The following PTDSS2 variants were observed in gnomAD, a reference collection of about 807,000 sequenced individuals.
PTDSS2 encodes phosphatidylserine synthase 2, also known as PSS-2.
In PTDSS2, 41 loss-of-function variants were observed where a neutral mutation model predicts 64.7. The ratio of observed to expected loss-of-function variants is 0.63; its 90% confidence interval spans 0.49 to 0.82. The LOEUF is 0.82. PTDSS2 is among the 40% of genes least tolerant of loss of function. PTDSS2 has a pLI of 0.00. For synonymous variants in PTDSS2, 297 were observed against 277.8 expected, an observed-to-expected ratio of 1.07 and a Z score of -0.69; for missense variants, 485 against 650.0, an observed-to-expected ratio of 0.75 and a Z score of 2.76.
At chr11:488,771 G>T in intron 8 of PTDSS2, 124 bp downstream of exon 8, 1 of 718,128 alleles carries the variant, frequency 1.4e-6, no homozygotes, top group Non-Finnish European at 2.5e-6. Context: ...AGGGGTGACC[G>T]TGGGGCTTTG....
upstream of PTDSS2, among the ~76,000 whole-genome samples, chr11:449,446 G>A (rs190446636): frequency 2.6e-5 from 4 of 152,334 alleles, no homozygotes; most frequent in East Asian, 7.7e-4. Flanking sequence ...ATAACATGCC[G>A]CTATTATCAA....
At position 458,407 on chromosome 11, in the gene PTDSS2, G is replaced by A. The variant is rs1283471977; in HGVS notation, c.183-1780G>A. ...TTTTTAGTAGAGATGGGGTTTCACC[G>A]TGTTAGCCAGGATGGTCTCGATCTC... On this transcript the variant is annotated intron_variant, in intron 1 of 11. Transcript: ENST00000308020. Among the ~76,000 whole-genome samples, 6 of 150,778 alleles carry A rather than the reference G, an allele frequency of 4.0e-5. No individual in the cohort carries two copies. In the East Asian group the frequency reaches 5.9e-4, roughly 15 times the overall value.
intron 1 of PTDSS2, chr11:451,528 C>T: frequency 3.2e-6 from 1 of 317,230 alleles, no homozygotes; most frequent in Non-Finnish European, 6.7e-6. Flanking sequence ...GGCCCGGGGG[C>T]ACAGGGGCAG....
chr11:473,806 A>G, intron 2 of PTDSS2, 89 bp from the exon 3 acceptor site: 1 of 999,912 alleles, frequency 1.0e-6, no homozygotes, highest in South Asian at 1.3e-5. Flanking sequence ...GCTGTTCCAC[A>G]ATGGGTGTCT....
intron 2 of PTDSS2, among the ~76,000 whole-genome samples, chr11:469,425 A>C (rs1190728765): frequency 1.0e-5 from 1 of 96,578 alleles, no homozygotes; most frequent in Non-Finnish European, 2.0e-5. Flanking sequence ...GGGTACTCGG[A>C]GGAGGAGGGC....
At position 487,011 on chromosome 11, in the gene PTDSS2, TA is replaced by T. The variant is rs1481398329; in HGVS notation, c.509del (p.Tyr170SerfsTer37). ...KLGVPLPERDYGGNCLIYDPD... is the reference protein window; with the variant it reads ...KLGVPLPERDXGGNCLIYDPD... ...GGGAGTCCCACTGCCAGAGAGAGAC[TA>T]CGGGGGAAACTGCCTCATCTACGAC... is the stretch of plus-strand genomic sequence containing the variant. On this transcript the variant is annotated frameshift_variant, in exon 5 of 12. Coordinates refer to ENST00000308020, the MANE Select transcript of PTDSS2 (RefSeq NM_030783.3). LOFTEE classifies it high-confidence loss of function. The T allele has an allele frequency of 1.2e-6, 2 of 1,613,618 alleles. No homozygotes were observed. The highest frequency in any genetic ancestry group is 3.3e-5 in the Admixed American group (2 of 60,028).
At position 479,702 on chromosome 11, in the gene PTDSS2, C is replaced by T. The variant is rs1369969502; in HGVS notation, c.435+550C>T. Among the ~76,000 whole-genome samples, 1 of 150,630 alleles carries T rather than the reference C, an allele frequency of 6.6e-6. No homozygotes were observed. Among genetic ancestry groups the T allele is most frequent in the African/African-American group, 2.5e-5 (1 of 40,554 alleles). On this transcript the variant is annotated intron_variant, in intron 4 of 11. Transcript: ENST00000308020. This position sits in a 1 kb window ranked among gnomAD's most constrained non-coding sequence, Gnocchi z 4.2. ...TTGACCAGTGTGACTGTGTGTGCTT[C>T]TTCCCCATCCTGACCACATTCTGCA...
intron 1 of PTDSS2, among the ~76,000 whole-genome samples, chr11:451,127 G>A (rs961852523): frequency 2.0e-5 from 3 of 152,240 alleles, no homozygotes; most frequent in African/African-American, 7.2e-5. Context: ...TGGCGATCGT[G>A]TTGATTAGCA....
intron 3 of PTDSS2, 55 bp downstream of exon 3, chr11:474,032 C>T: frequency 7.0e-7 from 1 of 1,420,824 alleles, no homozygotes; most frequent in South Asian, 1.1e-5. Flanking sequence ...TTCTGAGCGG[C>T]CACTCTGTGT....
intron 2 of PTDSS2, among the ~76,000 whole-genome samples, chr11:466,490 C>T (rs1457497661): frequency 6.6e-6 from 1 of 151,342 alleles, no homozygotes; most frequent in Non-Finnish European, 1.5e-5. Flanking sequence ...TCACTGCAAC[C>T]TCCGCTTCCT....
At chr11:451,269 C>G (rs1246113916) in intron 1 of PTDSS2, 1 of 383,854 alleles carries the variant, frequency 2.6e-6, no homozygotes, top group Non-Finnish European at 5.5e-6. Context: ...CTTGGGGTCC[C>G]CCTGTCCGCC....
At chr11:449,354 C>T (rs989291512), upstream of PTDSS2, among the ~76,000 whole-genome samples, 8 of 152,220 alleles carry the variant, frequency 5.3e-5, 1 homozygote, top group South Asian at 1.2e-3. Context: ...AGGCGTGCGC[C>T]GCCGCGCCCG....
chr11:485,292 G>A (rs1444944544), intron 4 of PTDSS2, among the ~76,000 whole-genome samples: 1 of 138,570 alleles, frequency 7.2e-6, no homozygotes, highest in Non-Finnish European at 1.6e-5. Flanking sequence ...GCACGGGCGC[G>A]TGTGTGCTCA....
At chr11:472,257 C>T (rs553567367) in intron 2 of PTDSS2, among the ~76,000 whole-genome samples, 8 of 152,322 alleles carry the variant, frequency 5.3e-5, no homozygotes, top group East Asian at 1.9e-4. Flanking sequence ...ACCCTCCCCA[C>T]GCCCCTTGGA....
intron 1 of PTDSS2, among the ~76,000 whole-genome samples, chr11:454,631 C>G (rs1298130987): frequency 1.3e-5 from 2 of 151,982 alleles, no homozygotes; most frequent in Non-Finnish European, 2.9e-5. Context: ...ATGGTGAAAC[C>G]CGGTCTCTAC....
At chr11:477,727 G>A (rs1411611947) in intron 3 of PTDSS2, among the ~76,000 whole-genome samples, 2 of 152,240 alleles carry the variant, frequency 1.3e-5, no homozygotes, top group Non-Finnish European at 2.9e-5. Context: ...CCTGCAGGCC[G>A]GGCACCTGCT....
At chr11:472,259 C>G (rs573458581) in intron 2 of PTDSS2, among the ~76,000 whole-genome samples, 24 of 152,336 alleles carry the variant, frequency 1.6e-4, no homozygotes, top group Non-Finnish European at 2.8e-4. Context: ...CCTCCCCACG[C>G]CCCTTGGAGG....
intron 1 of PTDSS2, among the ~76,000 whole-genome samples, chr11:457,638 C>T (rs1182638028): frequency 6.6e-6 from 1 of 152,248 alleles, no homozygotes; most frequent in Non-Finnish European, 1.5e-5. Flanking sequence ...AGTGTTTCCT[C>T]CACTGATAGA....
chr11:472,382 C>T (rs1390166808), intron 2 of PTDSS2, among the ~76,000 whole-genome samples: 2 of 152,224 alleles, frequency 1.3e-5, no homozygotes, highest in African/African-American at 4.8e-5. Flanking sequence ...GACAGGGACG[C>T]GGGCCCCACC....
Sources: allele counts gnomAD v4.1 joint callset (sites outside exome capture counted in the v4.1 genomes callset), GRCh38; gene constraint gnomAD v4.1.1; non-coding constraint Gnocchi (gnomAD v3.1); transcripts MANE v1.5; gene names NCBI Gene and HGNC (gene_info 2026-07-23, HGNC 2026-07-21).